Variants in FMO3 observed in about 807,000 individuals in gnomAD.
FMO3 encodes the protein flavin-containing monooxygenase 3.
FMO3 carries 40 observed loss-of-function variants against 39.4 expected under a neutral mutation model. The ratio of observed to expected loss-of-function variants is 1.02; its 90% CI spans 0.79 to 1.32. The LOEUF is 1.32. Ranked by LOEUF, FMO3 falls within the 40% of genes most tolerant of loss-of-function variation. The probability of loss-of-function intolerance (pLI) is 0.00; values close to 1 mark genes in which losing one functional copy is unlikely to be tolerated. For missense variants in FMO3, 680 were observed against 651.8 expected (o/e 1.04, Z -0.47); for synonymous variants, 219 against 228.8 (o/e 0.96, Z 0.39).
intron 2 of FMO3, chr1:171,100,913 A>T (rs1188870046): frequency 1.1e-5 from 3 of 278,548 alleles, no homozygotes; most frequent in African/African-American, 6.5e-5. Flanking sequence ...AGATGGAGAG[A>T]TTTTTCTGCA....
At chr1:171,101,003 G>A in intron 2 of FMO3, 1 of 407,240 alleles carries the variant, frequency 2.5e-6, no homozygotes, top group South Asian at 1.8e-5. Context: ...ACAAAGAGAA[G>A]AGAGAAGGTG....
chr1:171,107,599 T>G, intron 3 of FMO3, 76 bp from the exon 4 acceptor site: 1 of 1,200,114 alleles, frequency 8.3e-7, no homozygotes, highest in Non-Finnish European at 1.2e-6. Context: ...TAACCCACTT[T>G]TCTTTTTTCA....
intron 2 of FMO3, among the ~76,000 whole-genome samples, chr1:171,094,651 C>T (rs185255694): frequency 2.1e-4 from 32 of 152,202 alleles, no homozygotes; most frequent in South Asian, 6.2e-4. Context: ...TTTCATTCTG[C>T]GTATGGCTAT....
chr1:171,115,961 A>G (rs1336212080), intron 7 of FMO3, among the ~76,000 whole-genome samples: 1 of 152,236 alleles, frequency 6.6e-6, no homozygotes. Flanking sequence ...TATGACTGAG[A>G]TTAAAATATA....
At chr1:171,101,598 C>G (rs1655395626) in intron 2 of FMO3, 1 of 450,934 alleles carries the variant, frequency 2.2e-6, no homozygotes, top group Admixed American at 2.5e-5. Flanking sequence ...TTAGCTAACA[C>G]TAAGGGTGCA....
intron 6 of FMO3, among the ~76,000 whole-genome samples, chr1:171,111,347 G>T (rs1247278676): frequency 6.6e-6 from 1 of 152,062 alleles, no homozygotes; most frequent in Non-Finnish European, 1.5e-5. Flanking sequence ...AGCTCTACTA[G>T]TATCTCCATT....
chr1:171,110,893 C>T lies in FMO3; in HGVS notation c.723C>T (p.Thr241=). The T allele has an allele frequency of 6.2e-7, 1 of 1,613,964 alleles. No individual in the cohort carries two copies. The highest frequency in any genetic ancestry group is 8.5e-7 in the Non-Finnish European group (1 of 1,179,918). Residue 241 remains threonine, a synonymous_variant, in exon 6 of 9, where the codon ACC becomes ACT. Coordinates refer to ENST00000367755, the MANE Select transcript of FMO3 (RefSeq NM_001002294.3). The part of the protein sequence containing the change: ...WDMLLVTRFG[T]FLKNNLPTAI... ...TGCTGCTCGTCACTCGATTTGGAAC[C>T]TTCCTCAAGAACAATTTACCGACAG...
chr1:171,108,150 C>T lies in FMO3; in HGVS notation c.556C>T (p.Arg186Cys), dbSNP rs539058927. The change falls in exon 5 of 9, where the codon CGT becomes TGT. Residue 186 changes from arginine (R) to cysteine (C), a missense_variant. Arg to Cys is a radical substitution (Grantham distance 180). Transcript: ENST00000367755. ...YKEPGVFNGK[R>C]VLVVGLGNSG... ...AGAACCAGGTGTATTCAATGGAAAGCGTGTCCTGGTGGTTGGCCTGGGGAA... is the reference window on the plus strand; with the variant it reads ...AGAACCAGGTGTATTCAATGGAAAGTGTGTCCTGGTGGTTGGCCTGGGGAA... 4.0e-5 allele frequency: 65 copies of T among 1,613,870 alleles called. 1 individual carries two copies. Among genetic ancestry groups the T allele is most frequent in the Non-Finnish European group, 5.2e-5 (61 of 1,179,846 alleles).
At position 171,117,065 on chromosome 1, in the gene FMO3, G is replaced by C; in HGVS notation, c.1257-35G>C. The stretch of plus-strand genomic sequence containing the variant: ...CTGTTCTGTTTCTACACAGAGTTTG[G>C]GTATCCACAGTGGTGTTTTCTCTCC... On this transcript the variant is annotated intron_variant, in intron 8 of 8. Transcript: ENST00000367755. The C allele has an allele frequency of 2.0e-6, 3 of 1,480,708 alleles. No homozygotes were observed. The South Asian group carries it at 3.4e-5, about 17-fold the overall frequency. The allele number at this position is 1,480,708 out of a possible 1,614,324, so 91.7% of individuals were successfully genotyped here.
intron 2 of FMO3, among the ~76,000 whole-genome samples, chr1:171,095,088 A>G (rs1188766079): frequency 1.3e-5 from 2 of 152,040 alleles, no homozygotes; most frequent in African/African-American, 2.4e-5. Context: ...GTCAGCTACA[A>G]TTTCTTTTAT....
At chr1:171,102,349 C>T (rs960170461) in intron 2 of FMO3, among the ~76,000 whole-genome samples, 2 of 152,184 alleles carry the variant, frequency 1.3e-5, no homozygotes, top group African/African-American at 2.4e-5. Flanking sequence ...GATCTTTCAT[C>T]ATGAAACTTG....
rs201018926 is a variant in FMO3 at position 171,103,606 on chromosome 1, C to T, written c.133-179C>T. 1.2e-4 allele frequency among the ~76,000 whole-genome samples: 18 copies of T among 152,144 alleles called. No individual in the cohort carries two copies. The Middle Eastern group carries it at 0.01, about 86-fold the overall frequency. ...TTAAAGTATCTGTATATAGGTTATA[C>T]GAAAATACTATATCATTTTATGTAA... On this transcript the variant is annotated intron_variant, in intron 2 of 8. Coordinates refer to ENST00000367755, the MANE Select transcript of FMO3 (RefSeq NM_001002294.3).
At position 171,096,089 on chromosome 1, in the gene FMO3, T is replaced by A. The variant is rs796463703; in HGVS notation, c.132+3299T>A. Among the ~76,000 whole-genome samples, 67 of 46,022 alleles carry A rather than the reference T, an allele frequency of 1.5e-3. 2 individuals are homozygous for A. Among genetic ancestry groups the A allele is most frequent in the African/African-American group, 2.1e-3 (24 of 11,226 alleles). The allele number at this position is 46,022 out of a possible 152,430, so 30.2% of individuals were successfully genotyped here. On this transcript the variant is annotated intron_variant, in intron 2 of 8. Transcript: ENST00000367755. The stretch of plus-strand genomic sequence containing the variant: ...TTATATATTAATATATAATATATAT[T>A]AATATTTTTATATAATTAATTATTA...
Position 171,096,048 on chromosome 1 carries a change from AAATATAT to A in FMO3, c.132+3267_132+3273del, listed in dbSNP as rs1195036807. ...TTAATATATAATATATATTATATAT[AAATATAT>A]AATATATATTATATATTAATATATA... On this transcript the variant is annotated intron_variant, in intron 2 of 8. Transcript: ENST00000367755. Among the ~76,000 whole-genome samples the A allele has an allele frequency of 1.4e-4, 7 of 51,620 alleles. No individual in the cohort carries two copies. In the South Asian group the frequency reaches 3.7e-3, roughly 27 times the overall value. 33.9% of individuals were successfully genotyped at this position (51,620 alleles called of 152,430 possible).
chr1:171,096,429 TA>T (rs1414206006), intron 2 of FMO3, among the ~76,000 whole-genome samples: 2 of 100,152 alleles, frequency 2.0e-5, no homozygotes, highest in Non-Finnish European at 3.5e-5. Flanking sequence ...ATATATAATA[TA>T]TATTACATAT....
At chr1:171,093,524 T>C (rs1003887586) in intron 2 of FMO3, among the ~76,000 whole-genome samples, 1 of 151,786 alleles carries the variant, frequency 6.6e-6, no homozygotes, top group African/African-American at 2.4e-5. Flanking sequence ...TATATGTATA[T>C]GCGTCTGTGT....
intron 2 of FMO3, among the ~76,000 whole-genome samples, chr1:171,102,674 C>T (rs1020586227): frequency 6.6e-6 from 1 of 152,170 alleles, no homozygotes; most frequent in Non-Finnish European, 1.5e-5. Context: ...ACCTAATGCT[C>T]AGTGTGTTTT....
chr1:171,114,148 C>T lies in FMO3; in HGVS notation c.969C>T (p.Asp323=), dbSNP rs115908652. 780 of 1,614,010 alleles carry T rather than the reference C, an allele frequency of 4.8e-4. 2 individuals carry two copies. The African/African-American group carries it at 8.3e-3, about 17-fold the overall frequency. ...ATGGGACCATATTTGAGGGCATTGA[C>T]TGTGTAATCTTTGCAACAGGGTATA... ...FEDGTIFEGI[D]CVIFATGYSF... is the part of the protein sequence containing the mutation. Residue 323 remains aspartate, a synonymous_variant, in exon 7 of 9, where the codon GAC becomes GAT. Coordinates refer to ENST00000367755, the MANE Select transcript of FMO3 (RefSeq NM_001002294.3).
At chr1:171,098,266 C>T (rs1463081440) in intron 2 of FMO3, among the ~76,000 whole-genome samples, 3 of 152,110 alleles carry the variant, frequency 2.0e-5, no homozygotes, top group Non-Finnish European at 4.4e-5. Context: ...ATTGACTTGG[C>T]AATGCGGGCT....
Sources: allele counts gnomAD v4.1 joint callset (sites outside exome capture counted in the v4.1 genomes callset), GRCh38; gene constraint gnomAD v4.1.1; transcripts MANE v1.5; gene names NCBI Gene and HGNC (gene_info 2026-07-23, HGNC 2026-07-21).